PAK4: variants seen among roughly 807,000 people sequenced by gnomAD.
The protein encoded by PAK4 is p21 (RAC1) activated kinase 4, also known as serine/threonine-protein kinase PAK 4.
In PAK4, 49 loss-of-function variants were observed where a neutral mutation model predicts 53.5. The observed-to-expected ratio is 0.92, with a 90% CI of 0.73 to 1.16. The LOEUF is 1.16. PAK4 is among the 50% of genes most tolerant of loss of function. The pLI is 0.00. For missense variants in PAK4, 824 were observed against 850.7 expected, an observed-to-expected ratio of 0.97 and a Z score of 0.39; for synonymous variants, 376 against 375.6, an observed-to-expected ratio of 1.00 and a Z score of -0.01.
exon 8 of PAK4, chr19:39,177,789 C>A: frequency 1.2e-6 from 2 of 1,613,172 alleles, no homozygotes; most frequent in Non-Finnish European, 8.5e-7. Context: ...CCTGCCACCC[C>A]GACTGAAGAA....
At chr19:39,156,757 C>T (rs1019877013) in intron 1 of PAK4, 1 of 152,372 alleles carries the variant, frequency 6.6e-6, no homozygotes, top group African/African-American at 2.4e-5. Flanking sequence ...CTGGGGAGCC[C>T]TGGATCTACT....
chr19:39,140,862 C>G (rs2073897778), intron 1 of PAK4, among the ~76,000 whole-genome samples: 1 of 152,146 alleles, frequency 6.6e-6, no homozygotes, highest in East Asian at 1.9e-4. Flanking sequence ...CCTGCTGCCT[C>G]CCAGGGTTGC....
intron 1 of PAK4, among the ~76,000 whole-genome samples, chr19:39,150,909 G>A (rs1226354756): frequency 1.3e-5 from 2 of 152,096 alleles, no homozygotes; most frequent in African/African-American, 4.8e-5. Context: ...TGCGTGTGGT[G>A]CTTGACTATA....
At chr19:39,150,776 C>T (rs377736618) in intron 1 of PAK4, among the ~76,000 whole-genome samples, 63 of 152,296 alleles carry the variant, frequency 4.1e-4, no homozygotes, top group African/African-American at 1.3e-3. Flanking sequence ...CAGGCCTGTC[C>T]TTGGCACCCA....
Position 39,147,060 on chromosome 19 carries a change from T to G in PAK4, c.-23+21141T>G, listed in dbSNP as rs1266027228. Among the ~76,000 whole-genome samples, 57 of 24,908 alleles carry G rather than the reference T, an allele frequency of 2.3e-3. 1 individual carries two copies. The Middle Eastern group carries it at 0.18, about 79-fold the overall frequency. 16.3% of individuals were successfully genotyped at this position (24,908 alleles called of 152,430 possible). ...TGTCAACTGACATTGACACTGTCAT[T>G]GTCAATTGACAATTGTCATTGTCAA... On this transcript the variant is annotated intron_variant, in intron 1 of 8. Coordinates refer to ENST00000358301, the Ensembl canonical transcript of PAK4.
intron 1 of PAK4, among the ~76,000 whole-genome samples, chr19:39,131,414 C>G (rs899228398): frequency 5.9e-5 from 9 of 152,322 alleles, no homozygotes; most frequent in African/African-American, 2.2e-4. Context: ...TGGCCAGACA[C>G]CGGTCAGGGG....
At chr19:39,165,225 G>A (rs993940537) in intron 1 of PAK4, among the ~76,000 whole-genome samples, 6 of 83,598 alleles carry the variant, frequency 7.2e-5, no homozygotes, top group Non-Finnish European at 8.3e-5. Flanking sequence ...TAATAAGGCC[G>A]GGCGCGGTGG....
chr19:39,148,487 T>TTTTTTTTTTTTTTTTTA, intron 1 of PAK4, among the ~76,000 whole-genome samples: 3 of 139,842 alleles, frequency 2.1e-5, no homozygotes, highest in African/African-American at 5.4e-5. Flanking sequence ...TTTTTTTTTT[T>TTTTTTTTTTTTTTTTTA]GAGAGAGAGT....
chr19:39,173,163 C>T lies in PAK4; in HGVS notation c.450C>T (p.Asp150=), dbSNP rs750280547. ...GCGAGGCGGGTGGCGGCAGTGGTGACAGGCGACGGGCGGGGCCAGAGAAGA... is the reference window on the plus strand; with the variant it reads ...GCGAGGCGGGTGGCGGCAGTGGTGATAGGCGACGGGCGGGGCCAGAGAAGA... Residue 150 remains aspartate, a synonymous_variant, in exon 3 of 9, where the codon GAC becomes GAT. Transcript: ENST00000358301. The surrounding 1 kb of genome is among the most constrained non-coding windows in gnomAD (Gnocchi z 6.9). The T allele has an allele frequency of 6.5e-7, 1 of 1,540,756 alleles. No individual in the cohort carries two copies. Among genetic ancestry groups the T allele is most frequent in the South Asian group, 1.2e-5 (1 of 83,166 alleles).
At chr19:39,147,033 A>C (rs1600337230) in intron 1 of PAK4, among the ~76,000 whole-genome samples, 1 of 64,424 alleles carries the variant, frequency 1.6e-5, no homozygotes, top group East Asian at 7.4e-4. Context: ...CAGATACCAG[A>C]GTGTCAACTG....
chr19:39,149,808 A>T (rs1271846290), intron 1 of PAK4, among the ~76,000 whole-genome samples: 2 of 152,156 alleles, frequency 1.3e-5, no homozygotes, highest in African/African-American at 4.8e-5. Context: ...GTGAGCTGAG[A>T]TTGCACCATT....
downstream of PAK4, chr19:39,180,589 C>G (rs192662855): frequency 6.6e-6 from 1 of 152,218 alleles, no homozygotes; most frequent in Non-Finnish European, 1.5e-5. Flanking sequence ...GGATTACAGG[C>G]GCTTGCCACC....
At chr19:39,128,644 T>G (rs2073637137) in intron 1 of PAK4, among the ~76,000 whole-genome samples, 1 of 152,230 alleles carries the variant, frequency 6.6e-6, no homozygotes, top group African/African-American at 2.4e-5. Flanking sequence ...GAAACACTCA[T>G]GCATCCGGCC....
chr19:39,171,393 G>C (rs2074476623), intron 2 of PAK4, among the ~76,000 whole-genome samples: 1 of 152,176 alleles, frequency 6.6e-6, no homozygotes, highest in Admixed American at 6.5e-5. Context: ...ATTTTTAGTA[G>C]AGACGGGTTT....
At chr19:39,149,160 A>G (rs932861254) in intron 1 of PAK4, among the ~76,000 whole-genome samples, 2 of 152,238 alleles carry the variant, frequency 1.3e-5, no homozygotes, top group Non-Finnish European at 2.9e-5. Flanking sequence ...GTCCAAAAGA[A>G]TTGAAAGCAG....
At chr19:39,131,470 A>G (rs1177934172) in intron 1 of PAK4, among the ~76,000 whole-genome samples, 2 of 152,044 alleles carry the variant, frequency 1.3e-5, no homozygotes, top group African/African-American at 4.8e-5. Context: ...AGCCCCGCAC[A>G]TGCTGCCAGC....
chr19:39,170,183 C>T (rs2074452483), intron 2 of PAK4, among the ~76,000 whole-genome samples: 1 of 152,086 alleles, frequency 6.6e-6, no homozygotes. Flanking sequence ...GGTGGGGGAG[C>T]CCGGAGGAGG....
chr19:39,149,795 G>T (rs973181971), intron 1 of PAK4, among the ~76,000 whole-genome samples: 2 of 152,194 alleles, frequency 1.3e-5, no homozygotes, highest in African/African-American at 4.8e-5. Flanking sequence ...GGCGGAGGTT[G>T]CAGTGAGCTG....
At chr19:39,141,789 C>T (rs577482809) in intron 1 of PAK4, among the ~76,000 whole-genome samples, 11 of 152,116 alleles carry the variant, frequency 7.2e-5, no homozygotes, top group Non-Finnish European at 1.6e-4. Context: ...GCGCCCGCCA[C>T]CACGCCTGGC....
Sources: gnomAD v4.1 joint callset for allele counts (sites outside exome capture counted in the v4.1 genomes callset) on GRCh38, gnomAD v4.1.1 for gene constraint, Gnocchi (gnomAD v3.1) non-coding constraint, MANE v1.5 for transcripts, NCBI Gene and HGNC (gene_info 2026-07-23, HGNC 2026-07-21) for gene names.